Variants in CALY observed in about 807,000 individuals in gnomAD.
The protein encoded by CALY is neuron-specific vesicular protein calcyon.
CALY carries 15 observed loss-of-function variants against 20.2 expected under a neutral mutation model. The ratio of observed to expected loss-of-function variants is 0.74; its 90% CI spans 0.50 to 1.14. CALY has a LOEUF of 1.14. Ranked by LOEUF, CALY falls within the 50% of genes most tolerant of loss-of-function variation. The probability of loss-of-function intolerance (pLI) is 0.00; values close to 1 mark genes in which losing one functional copy is unlikely to be tolerated. For synonymous variants in CALY, 129 were observed against 131.8 expected, an observed-to-expected ratio of 0.98 and a Z score of 0.15; for missense variants, 270 against 304.4, an observed-to-expected ratio of 0.89 and a Z score of 0.84.
chr10:133,326,811 C>T (rs1848220678), intron 4 of CALY, 67 bp downstream of exon 4: 1 of 1,047,774 alleles, frequency 9.5e-7, no homozygotes. Context: ...CCCCTGCCAC[C>T]CCCTGCCTGG....
intron 1 of CALY, among the ~76,000 whole-genome samples, chr10:133,334,746 C>T (rs1848401796): frequency 6.6e-6 from 1 of 151,972 alleles, no homozygotes; most frequent in East Asian, 1.9e-4. Context: ...TGGGGGAGGC[C>T]ACTCTGAGCC....
rs1420646334 is a variant in CALY at position 133,324,487 on chromosome 10, G to T, written c.*1108C>A. The T allele has an allele frequency of 2.3e-6, 1 of 440,258 alleles. No homozygotes were observed. Among genetic ancestry groups the T allele is most frequent in the Admixed American group, 2.4e-5 (1 of 41,404 alleles). The allele number at this position is 440,258 out of a possible 1,614,324, so 27.3% of individuals were successfully genotyped here. A position where few individuals can be genotyped will look rare whatever the true frequency, so the allele number is the denominator to read the frequency against. ...GGGCTGGGGTGGGCGGGGCTGCAGAGCCGCTGCTGGCTGGGGTGGGCGGGG... is the reference window on the plus strand; with the variant it reads ...GGGCTGGGGTGGGCGGGGCTGCAGATCCGCTGCTGGCTGGGGTGGGCGGGG... On this transcript the variant is annotated 3_prime_UTR_variant, in exon 6 of 6. Coordinates refer to ENST00000252939, the MANE Select transcript of CALY (RefSeq NM_015722.4).
intron 3 of CALY, 57 bp from the exon 4 acceptor site, chr10:133,327,048 G>A: frequency 8.2e-7 from 1 of 1,212,122 alleles, no homozygotes; most frequent in Non-Finnish European, 1.2e-6. Flanking sequence ...TCTTTGTGGG[G>A]AGCTCCTCAG....
At chr10:133,335,360 G>T (rs1415653095) in intron 1 of CALY, among the ~76,000 whole-genome samples, 1 of 152,174 alleles carries the variant, frequency 6.6e-6, no homozygotes, top group African/African-American at 2.4e-5. Context: ...AGGAGTCTCC[G>T]CCCGAACCCC....
At chr10:133,335,285 G>C (rs1393899555) in intron 1 of CALY, among the ~76,000 whole-genome samples, 1 of 152,146 alleles carries the variant, frequency 6.6e-6, no homozygotes, top group Non-Finnish European at 1.5e-5. Flanking sequence ...CGGAGAAGGG[G>C]GCGCAGTCCC....
At chr10:133,326,523 G>T (rs969332488) in intron 4 of CALY, among the ~76,000 whole-genome samples, 55 of 152,048 alleles carry the variant, frequency 3.6e-4, no homozygotes, top group African/African-American at 1.3e-3. Flanking sequence ...AAAAAGGATG[G>T]AAGAAAATAT....
intron 4 of CALY, 106 bp from the exon 5 acceptor site, chr10:133,326,226 T>C: frequency 6.4e-7 from 1 of 1,551,228 alleles, no homozygotes; most frequent in Non-Finnish European, 8.7e-7. Flanking sequence ...CAGTTTGTAA[T>C]GGAGCCATGG....
rs1848199813 is a variant in CALY, at chr10:133,325,990, G to C, written c.491C>G (p.Ala164Gly). Residue 164 changes from alanine (A) to glycine (G), a missense_variant, in exon 5 of 6, where the codon GCC (alanine) becomes GGC (glycine). Physicochemically the swap from Ala to Gly is moderately conservative, Grantham distance 60 (BLOSUM62 0). Coordinates refer to ENST00000252939, the MANE Select transcript of CALY (RefSeq NM_015722.4). ...SRKHGTETPA[A>G]WGDGYRAAKE... The stretch of plus-strand genomic sequence containing the variant: ...GGCTGCGCGGTAGCCGTCCCCCCAG[G>C]CCGCCGGCGTCTCCGTGCCGTGCTT... The C allele has an allele frequency of 6.4e-7, 1 of 1,560,216 alleles. No homozygotes were observed. The highest frequency in any genetic ancestry group is 1.2e-5 in the South Asian group (1 of 85,220).
At position 133,330,350 on chromosome 10, in the gene CALY, CAAAAAAAAAAAAAAA is replaced by C. The variant is rs59986083; in HGVS notation, c.-20-1356_-20-1342del. The stretch of plus-strand genomic sequence containing the variant: ...CCTAGGTGACAGAACGAAACTCTGC[CAAAAAAAAAAAAAAA>C]AAAAAAAAAAGGCAGGGCGCGGTGG... On this transcript the variant is annotated intron_variant, in intron 1 of 5. Transcript: ENST00000252939. 9.7e-3 allele frequency among the ~76,000 whole-genome samples: 358 copies of C among 36,822 alleles called. 9 individuals carry two copies. The highest frequency in any genetic ancestry group is 0.033 in the African/African-American group (316 of 9,714). 24.2% of individuals were successfully genotyped at this position (36,822 alleles called of 152,430 possible).
intron 1 of CALY, among the ~76,000 whole-genome samples, chr10:133,335,161 G>A (rs1848416577): frequency 6.6e-6 from 1 of 152,158 alleles, no homozygotes; most frequent in Non-Finnish European, 1.5e-5. Context: ...CGGGGCTTGA[G>A]GTGGAGCTTG....
intron 1 of CALY, among the ~76,000 whole-genome samples, chr10:133,333,947 G>T (rs113751392): frequency 1.9e-5 from 1 of 52,866 alleles, no homozygotes; most frequent in Non-Finnish European, 3.5e-5. Flanking sequence ...AGGCTCTGAG[G>T]GGGGAAGGCT....
chr10:133,333,153 A>T (rs1335419207), intron 1 of CALY, among the ~76,000 whole-genome samples: 1 of 151,742 alleles, frequency 6.6e-6, no homozygotes, highest in Non-Finnish European at 1.5e-5. Context: ...ACCCGCGGTC[A>T]CAGAGCTTCT....
intron 1 of CALY, among the ~76,000 whole-genome samples, chr10:133,330,402 A>C (rs12779986): frequency 0.92 from 132,560 of 144,368 alleles, 61,217 homozygotes; most frequent in East Asian, 1. Context: ...TCACGCCTGT[A>C]ATCCCAGCAC....
intron 1 of CALY, among the ~76,000 whole-genome samples, chr10:133,331,147 C>T (rs1316428931): frequency 6.6e-6 from 1 of 152,172 alleles, no homozygotes; most frequent in African/African-American, 2.4e-5. Flanking sequence ...TGCATTAAGG[C>T]AGGAGGCGAG....
chr10:133,330,531 G>T (rs1335220619), intron 1 of CALY, among the ~76,000 whole-genome samples: 1 of 146,196 alleles, frequency 6.8e-6, no homozygotes, highest in South Asian at 2.2e-4. Flanking sequence ...GGTGGCGGGC[G>T]CCTGTAGTCC....
intron 1 of CALY, among the ~76,000 whole-genome samples, chr10:133,330,350 CAAAAAAA>C (rs59986083): frequency 3.5e-4 from 13 of 36,786 alleles, no homozygotes; most frequent in East Asian, 2.5e-3. Flanking sequence ...GAAACTCTGC[CAAAAAAA>C]AAAAAAAAAA....
chr10:133,326,302 G>A (rs939349216), intron 4 of CALY, 182 bp from the exon 5 acceptor site: 3 of 1,548,338 alleles, frequency 1.9e-6, no homozygotes, highest in East Asian at 2.4e-5. Flanking sequence ...TGGAGCAGGA[G>A]GTCGCGCGTT....
chr10:133,327,837 C>T (rs868216429), intron 3 of CALY, 68 bp downstream of exon 3: 3 of 1,058,208 alleles, frequency 2.8e-6, no homozygotes, highest in Non-Finnish European at 4.3e-6. Flanking sequence ...AACCCAGGCA[C>T]CCCCAGCTGC....
At position 133,327,938 on chromosome 10, in the gene CALY, C is replaced by A. The variant is rs374845471; in HGVS notation, c.213G>T (p.Arg71Ser). Residue 71 changes from arginine to serine, a missense_variant, in exon 3 of 6, where the codon AGG (arginine) becomes AGT (serine). Coordinates refer to ENST00000252939, the MANE Select transcript of CALY (RefSeq NM_015722.4). ...CTTCCTCTGGGTGGCTGCAGTTCAG[C>A]CTCTGGCCCTCCAGGTCAGGGAAAT... ...QQNFPDLEGQ[R>S]LNCSHPEEGR... The A allele has an allele frequency of 2.5e-6, 4 of 1,613,026 alleles. No homozygotes were observed. The highest frequency in any genetic ancestry group is 3.4e-6 in the Non-Finnish European group (4 of 1,179,638).
Sources: gnomAD v4.1 joint callset for allele counts (sites outside exome capture counted in the v4.1 genomes callset) on GRCh38, gnomAD v4.1.1 for gene constraint, MANE v1.5 for transcripts, NCBI Gene and HGNC (gene_info 2026-07-23, HGNC 2026-07-21) for gene names.